The following CSNK1D variants were observed in gnomAD, a reference collection of about 807,000 sequenced individuals.
CSNK1D encodes casein kinase I isoform delta.
A neutral mutation model predicts 46.6 loss-of-function variants in CSNK1D; 16 were observed. That is an observed-to-expected ratio of 0.34 (90% CI 0.23 to 0.52). The LOEUF (loss-of-function observed/expected upper bound fraction) is 0.52. CSNK1D is among the 20% of genes least tolerant of loss of function. The pLI, the probability that CSNK1D is intolerant of heterozygous loss-of-function variation, is 0.95. For missense variants in CSNK1D, 398 were observed against 578.4 expected (o/e 0.69, Z 3.20); for synonymous variants, 276 against 228.2 (o/e 1.21, Z -1.89).
Position 82,251,218 on chromosome 17 carries a change from A to C in CSNK1D, c.885+161T>G. 1.3e-6 allele frequency: 1 copy of C among 786,990 alleles called. No individual in the cohort carries two copies. Among genetic ancestry groups the C allele is most frequent in the Non-Finnish European group, 2.1e-6 (1 of 480,610 alleles). 48.8% of individuals were successfully genotyped at this position (786,990 alleles called of 1,614,324 possible). On this transcript the variant is annotated intron_variant, in intron 6 of 8. Coordinates refer to ENST00000314028, the MANE Select transcript of CSNK1D (RefSeq NM_001893.6). This position sits in a 1 kb window ranked among gnomAD's most constrained non-coding sequence, Gnocchi z 4.5. Reference sequence around the variant, plus strand: ...CTTGGCACCCCTTTCTGGCAGGCAGACACCCACTCAGTCCAGGTCCTGCCC... The same window carrying C: ...CTTGGCACCCCTTTCTGGCAGGCAGCCACCCACTCAGTCCAGGTCCTGCCC...
Position 82,242,740 on chromosome 17 carries a change from C to T in CSNK1D, c.*2041G>A. 2.0e-6 allele frequency: 2 copies of T among 985,460 alleles called. No homozygotes were observed. Among genetic ancestry groups the T allele is most frequent in the Non-Finnish European group, 2.4e-6 (2 of 829,932 alleles). 61.0% of individuals were successfully genotyped at this position (985,460 alleles called of 1,614,324 possible). ...CACAAATACAGTGGCGATACAAACG[C>T]ACAGCTCGGAGACTGGCCGTCAGTG... On this transcript the variant is annotated 3_prime_UTR_variant, in exon 9 of 9. Coordinates refer to ENST00000314028, the MANE Select transcript of CSNK1D (RefSeq NM_001893.6).
rs2050999047 is a variant in CSNK1D at position 82,251,180 on chromosome 17, T to C, written c.885+199A>G. 1.3e-5 allele frequency: 8 copies of C among 618,166 alleles called. No individual in the cohort carries two copies. The East Asian group carries it at 2.3e-4, about 18-fold the overall frequency. 38.3% of individuals were successfully genotyped at this position (618,166 alleles called of 1,614,324 possible). A position where few individuals can be genotyped will look rare whatever the true frequency, so the allele number is the denominator to read the frequency against. ...CCATGGACCCCTCTGCGTTCCCTAATGGCGTCTTACTTCTTGGCACCCCTT... is the reference window on the plus strand; with the variant it reads ...CCATGGACCCCTCTGCGTTCCCTAACGGCGTCTTACTTCTTGGCACCCCTT... On this transcript the variant is annotated intron_variant, in intron 6 of 8. Transcript: ENST00000314028. This position sits in a 1 kb window ranked among gnomAD's most constrained non-coding sequence, Gnocchi z 4.5.
chr17:82,254,496 C>G (rs2051111671), intron 3 of CSNK1D: 1 of 211,286 alleles, frequency 4.7e-6, no homozygotes, highest in Non-Finnish European at 8.8e-6. Flanking sequence ...GCCGGAGCCT[C>G]GAGAAGCCAG....
chr17:82,239,705 C>G (rs998973774), downstream of CSNK1D: 4 of 361,010 alleles, frequency 1.1e-5, no homozygotes, highest in Non-Finnish European at 2.0e-5. Flanking sequence ...GGAGCCCCTA[C>G]GTGGTGGTTA....
chr17:82,264,960 GCTAA>G (rs1423439136), intron 2 of CSNK1D, among the ~76,000 whole-genome samples: 5 of 151,782 alleles, frequency 3.3e-5, no homozygotes. Context: ...ACCACGAACG[GCTAA>G]CTTTTTTTGT....
chr17:82,239,666 G>A (rs932597259), downstream of CSNK1D: 3 of 315,992 alleles, frequency 9.5e-6, no homozygotes, highest in Non-Finnish European at 1.7e-5. Flanking sequence ...GGAGGCCGCT[G>A]TGCCAGGGTG....
chr17:82,248,503 G>A lies in CSNK1D; in HGVS notation c.1197+372C>T. On this transcript the variant is annotated intron_variant, in intron 8 of 8. Coordinates refer to ENST00000314028, the MANE Select transcript of CSNK1D (RefSeq NM_001893.6). The surrounding 1 kb of genome is among the most constrained non-coding windows in gnomAD (Gnocchi z 4.1). Reference sequence around the variant, plus strand: ...GGCAAGAATGAGGAAGAATGAGGAAGGCTCCCTCGGGCTGGGGGCACCCAC... The same window carrying A: ...GGCAAGAATGAGGAAGAATGAGGAAAGCTCCCTCGGGCTGGGGGCACCCAC... The A allele has an allele frequency of 4.5e-6, 5 of 1,105,208 alleles. No homozygotes were observed. The highest frequency in any genetic ancestry group is 5.6e-6 in the Non-Finnish European group (5 of 900,108). The allele number at this position is 1,105,208 out of a possible 1,614,324, so 68.5% of individuals were successfully genotyped here.
downstream of CSNK1D, among the ~76,000 whole-genome samples, chr17:82,241,649 G>A (rs959918808): frequency 3.3e-5 from 5 of 152,112 alleles, no homozygotes; most frequent in Non-Finnish European, 7.3e-5. Flanking sequence ...CCTCACCCAC[G>A]GCCACAGTGA....
chr17:82,252,908 TGACACGCTTGCAGCCCCAGCTCCCCGA>T lies in CSNK1D; in HGVS notation c.565+81_565+107del, dbSNP rs2051049763. 1.6e-5 allele frequency: 17 copies of T among 1,048,174 alleles called. No individual in the cohort carries two copies. The South Asian group carries it at 2.1e-4, about 13-fold the overall frequency. The allele number at this position is 1,048,174 out of a possible 1,614,324, so 64.9% of individuals were successfully genotyped here. A position where few individuals can be genotyped will look rare whatever the true frequency, so the allele number is the denominator to read the frequency against. On this transcript the variant is annotated intron_variant, in intron 4 of 8. Transcript: ENST00000314028. This position sits in a 1 kb window ranked among gnomAD's most constrained non-coding sequence, Gnocchi z 4.6. The stretch of plus-strand genomic sequence containing the variant: ...CAGCCTGTCTGCCGCAAAGGTCTGA[TGACACGCTTGCAGCCCCAGCTCCCCGA>T]GAGGCTGGCCTCTCCCTGGGCTGAG...
At chr17:82,254,182 T>G (rs1164311629) in intron 3 of CSNK1D, 6 of 278,158 alleles carry the variant, frequency 2.2e-5, no homozygotes, top group Non-Finnish European at 2.0e-5. Flanking sequence ...GCCAGTGAGC[T>G]GAGCCGCCGG....
In CSNK1D at chr17:82,249,517, C is replaced by T. The variant is rs1169611056; in HGVS notation, c.971G>A (p.Arg324His). 143 of 1,544,202 alleles carry T rather than the reference C, an allele frequency of 9.3e-5. No homozygotes were observed. The highest frequency in any genetic ancestry group is 1.2e-4 in the Non-Finnish European group (136 of 1,146,952). Reference sequence around the variant, plus strand: ...GCCGGAGGCTGTGGAAGGGAGGCCGCGGGTAGCCGGGTTCCGCGAGTGTCT... The same window carrying T: ...GCCGGAGGCTGTGGAAGGGAGGCCGTGGGTAGCCGGGTTCCGCGAGTGTCT... ...RLRHSRNPATRGLPSTASGRL... is the reference protein window; with the variant it reads ...RLRHSRNPATHGLPSTASGRL... The change falls in exon 7 of 9, where the codon CGC becomes CAC. Residue 324 changes from arginine (R) to histidine (H), a missense_variant. Coordinates refer to ENST00000314028, the MANE Select transcript of CSNK1D (RefSeq NM_001893.6). This position sits in a 1 kb window ranked among gnomAD's most constrained non-coding sequence, Gnocchi z 6.7.
intron 3 of CSNK1D, chr17:82,254,324 C>A: frequency 3.3e-6 from 1 of 299,464 alleles, no homozygotes; most frequent in Non-Finnish European, 6.1e-6. Context: ...GTCAGCTGAG[C>A]CGCCGGGGCC....
rs533632187 is a variant in CSNK1D at position 82,255,492 on chromosome 17, G to C, written c.273C>G (p.Asp91Glu). 6.2e-7 allele frequency: 1 copy of C among 1,614,158 alleles called. No individual in the cohort carries two copies. The highest frequency in any genetic ancestry group is 1.3e-5 in the African/African-American group (1 of 75,036). Residue 91 changes from aspartate to glutamate, a missense_variant, in exon 3 of 9, where the codon GAC (aspartate) becomes GAG (glutamate). By Grantham distance (45) the Asp-to-Glu change is conservative. Around this residue, in one of 2 missense-constraint regions of CSNK1D, gnomAD observed 217 missense variants for 370.3 expected, o/e 0.59. Coordinates refer to ENST00000314028, the MANE Select transcript of CSNK1D (RefSeq NM_001893.6). This position sits in a 1 kb window ranked among gnomAD's most constrained non-coding sequence, Gnocchi z 5.9. ...ATTTCCTGGAGCAGAAGTTGAAGAG[G>C]TCCTCCAGGCTTGGCCCCAGCAGCT... The part of the protein sequence containing the change: ...VMELLGPSLE[D>E]LFNFCSRKFS...
rs2051021735 is a variant in CSNK1D at position 82,251,931 on chromosome 17, T to C, written c.737-404A>G. Reference sequence around the variant, plus strand: ...ATGGTATGAACCCGGGAGGCGGAGCTTGCAGTGAGCCGAGATCACGCCACT... The same window carrying C: ...ATGGTATGAACCCGGGAGGCGGAGCCTGCAGTGAGCCGAGATCACGCCACT... On this transcript the variant is annotated intron_variant, in intron 5 of 8. Transcript: ENST00000314028. The surrounding 1 kb of genome is among the most constrained non-coding windows in gnomAD (Gnocchi z 4.5). 1.2e-5 allele frequency: 4 copies of C among 324,364 alleles called. No individual in the cohort carries two copies. Among genetic ancestry groups the C allele is most frequent in the African/African-American group, 2.2e-5 (1 of 45,984 alleles). 20.1% of individuals were successfully genotyped at this position (324,364 alleles called of 1,614,324 possible).
Position 82,252,952 on chromosome 17 carries a change from TG to T in CSNK1D, c.565+63del. On this transcript the variant is annotated intron_variant, in intron 4 of 8. Transcript: ENST00000314028. The surrounding 1 kb of genome is among the most constrained non-coding windows in gnomAD (Gnocchi z 4.6). ...GCTCCCCGAGAGGCTGGCCTCTCCC[TG>T]GGCTGAGGCATGGACGCGCCCAAAG... The T allele has an allele frequency of 6.9e-7, 1 of 1,449,382 alleles. No homozygotes were observed. The highest frequency in any genetic ancestry group is 9.6e-7 in the Non-Finnish European group (1 of 1,036,270). The allele number at this position is 1,449,382 out of a possible 1,614,324, so 89.8% of individuals were successfully genotyped here.
chr17:82,259,205 T>C (rs546111377), intron 2 of CSNK1D, among the ~76,000 whole-genome samples: 1 of 152,362 alleles, frequency 6.6e-6, no homozygotes, highest in East Asian at 1.9e-4. Context: ...CCCAGATACC[T>C]TTTTGCTACT....
In CSNK1D at chr17:82,252,437, G is replaced by A. The variant is rs765954990; in HGVS notation, c.733C>T (p.Pro245Ser). 8 of 1,613,948 alleles carry A rather than the reference G, an allele frequency of 5.0e-6. No individual in the cohort carries two copies. The highest frequency in any genetic ancestry group is 2.2e-5 in the South Asian group (2 of 91,074). The change falls in exon 5 of 9, where the codon CCT (proline) becomes TCT (serine). Residue 245 changes from proline (P) to serine (S), a missense_variant. This residue lies in a region of CSNK1D where 217 missense variants were observed against 370.3 expected (regional missense o/e 0.59). Transcript: ENST00000314028. The surrounding 1 kb of genome is among the most constrained non-coding windows in gnomAD (Gnocchi z 4.6). Reference sequence around the variant, plus strand: ...GAAGAGGCCTCCAGAGACTTACAAGGGTAGCCTTTACACAACACTTCGATG... The same window carrying A: ...GAAGAGGCCTCCAGAGACTTACAAGAGTAGCCTTTACACAACACTTCGATG... Reference protein sequence around the residue: ...TPIEVLCKGYPSEFATYLNFC... With the variant: ...TPIEVLCKGYSSEFATYLNFC...
At chr17:82,241,454 C>G (rs1164010301), downstream of CSNK1D, among the ~76,000 whole-genome samples, 2 of 152,256 alleles carry the variant, frequency 1.3e-5, no homozygotes, top group Non-Finnish European at 2.9e-5. Context: ...AACAAGCCCT[C>G]TAACTCTGTC....
Position 82,255,274 on chromosome 17 carries a change from A to G in CSNK1D, c.336+155T>C, listed in dbSNP as rs115702213. 2.0e-3 allele frequency: 1,744 copies of G among 889,736 alleles called. 31 individuals carry two copies. The African/African-American group carries it at 0.026, about 13-fold the overall frequency. The allele number at this position is 889,736 out of a possible 1,614,324, so 55.1% of individuals were successfully genotyped here. On this transcript the variant is annotated intron_variant, in intron 3 of 8. Transcript: ENST00000314028. The surrounding 1 kb of genome is among the most constrained non-coding windows in gnomAD (Gnocchi z 5.9). ...GGAGCCACCGGAGCCTCGAGAAGCC[A>G]GTGAGCTGAGCCACTGCAGCCTCAA...
Sources: allele counts gnomAD v4.1 joint callset (sites outside exome capture counted in the v4.1 genomes callset), GRCh38; gene constraint gnomAD v4.1.1; regional missense constraint gnomAD v4.1.1; non-coding constraint Gnocchi (gnomAD v3.1); transcripts MANE v1.5; gene names NCBI Gene and HGNC (gene_info 2026-07-23, HGNC 2026-07-21).